NAF1: variants seen among roughly 807,000 people sequenced by gnomAD.
NAF1 encodes H/ACA ribonucleoprotein complex non-core subunit NAF1.
Under a neutral mutation model 40.6 loss-of-function variants are expected in NAF1, and 11 were observed. The ratio of observed to expected loss-of-function variants is 0.27; its 90% CI spans 0.17 to 0.45. The LOEUF (loss-of-function observed/expected upper bound fraction) is 0.45, where lower values mean the gene tolerates loss of function less well. NAF1 is among the 20% of genes least tolerant of loss of function. The probability of loss-of-function intolerance (pLI) is 1.00; values close to 1 mark genes in which losing one functional copy is unlikely to be tolerated. For missense variants in NAF1, 607 were observed against 611.1 expected, an observed-to-expected ratio of 0.99 and a Z score of 0.07; for synonymous variants, 260 against 228.5, an observed-to-expected ratio of 1.14 and a Z score of -1.24.
At chr4:163,120,750 C>A (rs1730494920) in intron 2 of NAF1, among the ~76,000 whole-genome samples, 1 of 151,556 alleles carries the variant, frequency 6.6e-6, no homozygotes, top group South Asian at 2.1e-4. Context: ...AGTATTTTAC[C>A]ATTTGATACA....
At chr4:163,116,409 T>A (rs776878166) in intron 2 of NAF1, among the ~76,000 whole-genome samples, 7 of 152,278 alleles carry the variant, frequency 4.6e-5, no homozygotes, top group Non-Finnish European at 7.4e-5. Flanking sequence ...TGTGTGTGTG[T>A]GAGAGAGAGA....
rs901206379 is a variant in NAF1 at position 163,166,487 on chromosome 4, G to T, written c.241C>A (p.Pro81Thr). ...GATTCAGCCGGTGGCTGTGGCTGCG[G>T]CGCCGGGGTCCCGGCCGCGACGGCG... ...LNAVAAGTPAPQPQPPAESPA... is the reference protein window; with the variant it reads ...LNAVAAGTPATQPQPPAESPA... Residue 81 changes from proline to threonine, a missense_variant, in exon 1 of 8, where the codon CCG (proline) becomes ACG (threonine). By Grantham distance (38) the Pro-to-Thr change is conservative. This residue lies in a region of NAF1 where 407 missense variants were observed against 365.5 expected (regional missense o/e 1.11). Transcript: ENST00000274054. The T allele has an allele frequency of 6.2e-7, 1 of 1,600,150 alleles. No individual in the cohort carries two copies. Among genetic ancestry groups the T allele is most frequent in the Admixed American group, 1.7e-5 (1 of 58,412 alleles).
At chr4:163,159,826 C>G (rs1381380508) in intron 2 of NAF1, among the ~76,000 whole-genome samples, 1 of 152,114 alleles carries the variant, frequency 6.6e-6, no homozygotes, top group Non-Finnish European at 1.5e-5. Context: ...ACATTATTAT[C>G]CCTACTGAAG....
chr4:163,115,199 A>ATTTTTTTT lies in NAF1; in HGVS notation c.115-4910_115-4909insAAAAAAAA, dbSNP rs201172406. Among the ~76,000 whole-genome samples, 17 of 103,726 alleles carry ATTTTTTTT rather than the reference A, an allele frequency of 1.6e-4. 4 individuals are homozygous for ATTTTTTTT. Among genetic ancestry groups the ATTTTTTTT allele is most frequent in the African/African-American group, 3.9e-4 (10 of 25,792 alleles). The allele number at this position is 103,726 out of a possible 152,430, so 68.0% of individuals were successfully genotyped here. ...ATACTATTGGCGATATAGGACAATA[A>ATTTTTTTT]TTTTTTTATTTATTTTTTTTTTTTT... is the stretch of plus-strand genomic sequence containing the variant. On this transcript the variant is annotated intron_variant, in intron 2 of 2. Transcript: ENST00000509434.
chr4:163,153,553 C>A (rs1731830054), intron 2 of NAF1, among the ~76,000 whole-genome samples: 2 of 152,098 alleles, frequency 1.3e-5, no homozygotes, highest in Admixed American at 6.5e-5. Context: ...CTGTGTTTAG[C>A]TCAAGGTTTG....
chr4:163,143,197 A>G (rs539455891), intron 4 of NAF1, among the ~76,000 whole-genome samples: 1 of 152,280 alleles, frequency 6.6e-6, no homozygotes, highest in South Asian at 2.1e-4. Flanking sequence ...ACTTGGCTCT[A>G]GGTGATAATA....
intron 2 of NAF1, among the ~76,000 whole-genome samples, chr4:163,153,083 C>A (rs1330964789): frequency 6.6e-6 from 1 of 152,218 alleles, no homozygotes; most frequent in Non-Finnish European, 1.5e-5. Flanking sequence ...TGCCTTCCTG[C>A]GGGGCAGGGC....
chr4:163,140,825 A>G (rs948597890), intron 4 of NAF1, among the ~76,000 whole-genome samples: 1 of 152,226 alleles, frequency 6.6e-6, no homozygotes, highest in Non-Finnish European at 1.5e-5. Flanking sequence ...TAGGAGTTAA[A>G]TCACTTTTGC....
intron 3 of NAF1, among the ~76,000 whole-genome samples, 161 bp from the exon 4 acceptor site, chr4:163,146,025 C>T (rs954250515): frequency 6.6e-6 from 1 of 151,962 alleles, no homozygotes; most frequent in East Asian, 1.9e-4. Flanking sequence ...CTACTTATTA[C>T]CAAATAGCAC....
In NAF1 at chr4:163,164,275, T is replaced by G; in HGVS notation, c.482A>C (p.Gln161Pro). ...PVLSDGDDDL[Q>P]IEKENKNFPL... ...AAAATTCTTATTTTCCTTCTCAATTTGTAAATCATCATCTCCATCTGACAG... is the reference window on the plus strand; with the variant it reads ...AAAATTCTTATTTTCCTTCTCAATTGGTAAATCATCATCTCCATCTGACAG... The change falls in exon 2 of 8, where the codon CAA becomes CCA. Residue 161 changes from glutamine to proline, a missense_variant. Physicochemically the swap from Gln to Pro is moderately conservative, Grantham distance 76. Transcript: ENST00000274054. 3 of 1,587,198 alleles carry G rather than the reference T, an allele frequency of 1.9e-6. No homozygotes were observed. The highest frequency in any genetic ancestry group is 2.6e-6 in the Non-Finnish European group (3 of 1,170,506).
chr4:163,108,278 G>C (rs1730081748), downstream of NAF1, among the ~76,000 whole-genome samples: 1 of 152,104 alleles, frequency 6.6e-6, no homozygotes, highest in African/African-American at 2.4e-5. Flanking sequence ...TGAGAGACAA[G>C]GATATGGAGA....
At chr4:163,127,932 T>TTGTCAACTC (rs1397417887), downstream of NAF1, among the ~76,000 whole-genome samples, 1 of 152,218 alleles carries the variant, frequency 6.6e-6, no homozygotes, top group Non-Finnish European at 1.5e-5. Flanking sequence ...GTTCAACTCC[T>TTGTCAACTC]TGTCAACTCA....
At chr4:163,110,142 G>T in exon 3 of NAF1, 1 of 550,274 alleles carries the variant, frequency 1.8e-6, no homozygotes, top group South Asian at 2.5e-5. Flanking sequence ...AGGTTCCCAT[G>T]GCAACTCTTC....
At chr4:163,161,993 TCA>T (rs1732244421) in intron 2 of NAF1, among the ~76,000 whole-genome samples, 1 of 151,728 alleles carries the variant, frequency 6.6e-6, no homozygotes, top group African/African-American at 2.4e-5. Flanking sequence ...CATGCTCTCC[TCA>T]CTCTCTCCTA....
chr4:163,162,065 C>A (rs1040478834), intron 2 of NAF1, among the ~76,000 whole-genome samples: 8 of 149,828 alleles, frequency 5.3e-5, no homozygotes, highest in African/African-American at 1.7e-4. Flanking sequence ...ATCTGAATAC[C>A]CATTCCACTA....
Position 163,166,402 on chromosome 4 carries a change from T to C in NAF1, c.326A>G (p.Asp109Gly). Residue 109 changes from aspartate (D) to glycine (G), a missense_variant, in exon 1 of 8, where the codon GAC becomes GGC. By Grantham distance (94) the Asp-to-Gly change is moderately conservative. Transcript: ENST00000274054. ...ATCCGAGTCCGAGGTCTCCAAGGAG[T>C]CCGGCGCCCGCGCAGGCTCTGCGGC... ...PGAAEPARAP[D>G]SLETSDSDSD... is the part of the protein sequence containing the mutation. 1 of 1,606,910 alleles carries C rather than the reference T, an allele frequency of 6.2e-7. No individual in the cohort carries two copies. Among genetic ancestry groups the C allele is most frequent in the Middle Eastern group, 1.7e-4 (1 of 6,016 alleles).
intron 4 of NAF1, among the ~76,000 whole-genome samples, chr4:163,141,331 T>C (rs1275849906): frequency 6.6e-6 from 1 of 152,200 alleles, no homozygotes; most frequent in Non-Finnish European, 1.5e-5. Flanking sequence ...GCCATCGCAC[T>C]ACAGCCTGGG....
At chr4:163,153,381 C>T (rs1468198847) in intron 2 of NAF1, among the ~76,000 whole-genome samples, 1 of 152,202 alleles carries the variant, frequency 6.6e-6, no homozygotes, top group Non-Finnish European at 1.5e-5. Context: ...CCAATCAGCA[C>T]CCTGTGTTTA....
intron 3 of NAF1, among the ~76,000 whole-genome samples, chr4:163,147,197 A>G (rs1731505212): frequency 6.6e-6 from 1 of 152,206 alleles, no homozygotes; most frequent in Non-Finnish European, 1.5e-5. Flanking sequence ...CTGAAAAAGT[A>G]CAAAATTATG....
Sources: allele counts gnomAD v4.1 joint callset (sites outside exome capture counted in the v4.1 genomes callset), GRCh38; gene constraint gnomAD v4.1.1; regional missense constraint gnomAD v4.1.1; transcripts MANE v1.5; gene names NCBI Gene and HGNC (gene_info 2026-07-23, HGNC 2026-07-21).